The following KIF21A variants were observed in gnomAD, a reference collection of about 807,000 sequenced individuals.
KIF21A encodes the protein kinesin-like protein KIF21A.
KIF21A carries 114 observed loss-of-function variants against 202.9 expected under a neutral mutation model. The observed-to-expected ratio is 0.56, with a 90% confidence interval of 0.48 to 0.66. The LOEUF (loss-of-function observed/expected upper bound fraction) is 0.66, where lower values mean the gene tolerates loss of function less well. KIF21A is among the 30% of genes least tolerant of loss of function. The pLI, the probability that KIF21A is intolerant of heterozygous loss-of-function variation, is 0.00. For missense variants in KIF21A, 1,677 were observed against 1,994.9 expected, an observed-to-expected ratio of 0.84 and a Z score of 3.04; for synonymous variants, 667 against 670.8, an observed-to-expected ratio of 0.99 and a Z score of 0.09.
intron 3 of KIF21A, among the ~76,000 whole-genome samples, chr12:39,368,547 G>T (rs1220121651): frequency 2.0e-5 from 3 of 152,058 alleles, no homozygotes; most frequent in Non-Finnish European, 4.4e-5. Flanking sequence ...CCTTAGAAGA[G>T]AATATACACA....
intron 7 of KIF21A, among the ~76,000 whole-genome samples, chr12:39,361,798 G>A (rs945374159): frequency 2.6e-5 from 4 of 152,018 alleles, no homozygotes; most frequent in African/African-American, 7.2e-5. Context: ...GAGCCACTGC[G>A]CCCGGCCAAA....
chr12:39,350,000 C>A (rs1948234892), intron 11 of KIF21A, among the ~76,000 whole-genome samples: 1 of 151,952 alleles, frequency 6.6e-6, no homozygotes, highest in Non-Finnish European at 1.5e-5. Flanking sequence ...ATATAGCACT[C>A]TATAGGTGTA....
chr12:39,314,835 C>T (rs1944367499), intron 31 of KIF21A, among the ~76,000 whole-genome samples: 1 of 151,688 alleles, frequency 6.6e-6, no homozygotes, highest in African/African-American at 2.4e-5. Flanking sequence ...GATCAGGATG[C>T]CCTTTTTTCA....
At chr12:39,338,355 A>G (rs187669173) in intron 16 of KIF21A, among the ~76,000 whole-genome samples, 83 of 152,338 alleles carry the variant, frequency 5.4e-4, no homozygotes, top group African/African-American at 1.9e-3. Flanking sequence ...AAACTGTGAT[A>G]TTTCAAAAGA....
chr12:39,405,728 A>G (rs369994628), intron 1 of KIF21A, among the ~76,000 whole-genome samples: 15 of 152,218 alleles, frequency 9.9e-5, no homozygotes, highest in African/African-American at 3.6e-4. Flanking sequence ...AAAGCCCTAC[A>G]TTATTGTTGC....
chr12:39,351,082 A>G (rs1256770016), intron 11 of KIF21A, among the ~76,000 whole-genome samples: 1 of 152,070 alleles, frequency 6.6e-6, no homozygotes, highest in African/African-American at 2.4e-5. Flanking sequence ...CATGTAAAGA[A>G]TTTATGAGAA....
intron 7 of KIF21A, among the ~76,000 whole-genome samples, chr12:39,361,662 C>A (rs576771288): frequency 2.0e-5 from 3 of 149,834 alleles, no homozygotes; most frequent in Non-Finnish European, 4.4e-5. Flanking sequence ...CCCGCCACCA[C>A]GCCTGGCTAA....
intron 1 of KIF21A, among the ~76,000 whole-genome samples, chr12:39,415,805 G>T (rs1045574541): frequency 1.3e-5 from 2 of 152,168 alleles, no homozygotes; most frequent in Admixed American, 6.5e-5. Flanking sequence ...ATGTTGGCCT[G>T]CTTTCTATTT....
At chr12:39,332,497 T>G (rs1338757325) in intron 20 of KIF21A, 89 bp from the exon 21 acceptor site, 29 of 599,436 alleles carry the variant, frequency 4.8e-5, no homozygotes, top group Non-Finnish European at 7.3e-5. Context: ...CAAAAAAAAC[T>G]TGGTAAGTGT....
chr12:39,319,715 A>C (rs1160958341), intron 28 of KIF21A, among the ~76,000 whole-genome samples, 191 bp downstream of exon 28: 1 of 152,182 alleles, frequency 6.6e-6, no homozygotes, highest in Non-Finnish European at 1.5e-5. Context: ...ATATCTTTAC[A>C]GGTATATGTA....
Position 39,332,332 on chromosome 12 carries a change from C to A in KIF21A, c.2933G>T (p.Gly978Val). ...REKIVKENGE[G>V]DKNVANINEE... ...ATTGATATTAGCCACATTTTTATCT[C>A]CCTCTCCATTCTCCTTGACTATCTT... Residue 978 changes from glycine (G) to valine (V), a missense_variant, in exon 21 of 38, where the codon GGA (glycine) becomes GTA (valine). Around this residue, in one of 3 missense-constraint regions of KIF21A, gnomAD observed 966 missense variants for 1,180.9 expected, o/e 0.82. Transcript: ENST00000361418. The A allele has an allele frequency of 6.2e-7, 1 of 1,613,784 alleles. No individual in the cohort carries two copies. The highest frequency in any genetic ancestry group is 8.5e-7 in the Non-Finnish European group (1 of 1,179,832).
chr12:39,431,622 G>A (rs532632707), intron 1 of KIF21A, among the ~76,000 whole-genome samples: 7 of 152,224 alleles, frequency 4.6e-5, no homozygotes, highest in Middle Eastern at 3.4e-3. Flanking sequence ...CATGAAGAAC[G>A]TCATCTGAAA....
At chr12:39,307,863 C>T (rs1943630579) in intron 33 of KIF21A, 134 bp from the exon 34 acceptor site, 1 of 712,914 alleles carries the variant, frequency 1.4e-6, no homozygotes, top group East Asian at 2.7e-5. Context: ...TGTATACTAC[C>T]TAGCACAGCA....
At chr12:39,436,421 A>ATTTT (rs1453741232) in intron 1 of KIF21A, among the ~76,000 whole-genome samples, 24 of 88,556 alleles carry the variant, frequency 2.7e-4, no homozygotes, top group African/African-American at 1.3e-3. Context: ...GGTTTACTAT[A>ATTTT]TTATATATAT....
chr12:39,356,487 C>G, intron 10 of KIF21A: 1 of 176,392 alleles, frequency 5.7e-6, no homozygotes, highest in Non-Finnish European at 1.2e-5. Flanking sequence ...AGATATTGAT[C>G]TATTCCCAAC....
At chr12:39,440,176 T>G (rs913907577) in intron 1 of KIF21A, among the ~76,000 whole-genome samples, 30 of 152,206 alleles carry the variant, frequency 2.0e-4, no homozygotes, top group African/African-American at 7.0e-4. Context: ...AATATCAAAA[T>G]ATGAATAACC....
intron 33 of KIF21A, among the ~76,000 whole-genome samples, chr12:39,308,926 T>C (rs945344188): frequency 4.6e-5 from 7 of 152,206 alleles, no homozygotes; most frequent in African/African-American, 9.6e-5. Flanking sequence ...TAACCTTTCT[T>C]ATGCTCCCTT....
At chr12:39,351,657 A>T in intron 11 of KIF21A, 120 bp downstream of exon 11, 1 of 643,842 alleles carries the variant, frequency 1.6e-6, no homozygotes, top group South Asian at 1.9e-5. Context: ...TTCAGCTAAC[A>T]TAGTGATTTA....
At chr12:39,356,677 G>C (rs930110736) in intron 10 of KIF21A, 155 bp downstream of exon 10, 1 of 520,450 alleles carries the variant, frequency 1.9e-6, no homozygotes, top group Admixed American at 3.7e-5. Flanking sequence ...TCAAGGGAAA[G>C]GTAAGTAAAG....
Sources: allele counts gnomAD v4.1 joint callset (sites outside exome capture counted in the v4.1 genomes callset), GRCh38; gene constraint gnomAD v4.1.1; regional missense constraint gnomAD v4.1.1; transcripts MANE v1.5; gene names NCBI Gene and HGNC (gene_info 2026-07-23, HGNC 2026-07-21).